GALNTL6: variants seen among roughly 807,000 people sequenced by gnomAD.
The protein encoded by GALNTL6 is polypeptide N-acetylgalactosaminyltransferase like 6, also known as polypeptide N-acetylgalactosaminyltransferase-like 6.
In GALNTL6, 46 loss-of-function variants were observed where a neutral mutation model predicts 73.7. The observed-to-expected ratio is 0.62, with a 90% CI of 0.49 to 0.80. The LOEUF is 0.80. Ranked by LOEUF, GALNTL6 falls within the 30% of genes least tolerant of loss-of-function variation. GALNTL6 has a pLI of 0.00. For missense variants in GALNTL6, 604 were observed against 755.0 expected, an observed-to-expected ratio of 0.80 and a Z score of 2.34; for synonymous variants, 259 against 263.7, an observed-to-expected ratio of 0.98 and a Z score of 0.17.
At chr4:172,042,395 T>C (rs1413782977) in intron 2 of GALNTL6, among the ~76,000 whole-genome samples, 1 of 152,072 alleles carries the variant, frequency 6.6e-6, no homozygotes, top group Non-Finnish European at 1.5e-5. Flanking sequence ...TTTAACTCCA[T>C]AACTTGTATT....
intron 2 of GALNTL6, among the ~76,000 whole-genome samples, chr4:171,835,695 A>C (rs1311697005): frequency 6.6e-6 from 1 of 152,016 alleles, no homozygotes; most frequent in Non-Finnish European, 1.5e-5. Context: ...TTCATTAATA[A>C]ATAAGAGCTT....
chr4:171,988,903 G>A (rs1355994020), intron 2 of GALNTL6, among the ~76,000 whole-genome samples: 1 of 152,064 alleles, frequency 6.6e-6, no homozygotes, highest in African/African-American at 2.4e-5. Context: ...AGGGGAGGAT[G>A]TGAAGGAGGC....
At chr4:172,195,991 G>A (rs1735752208) in intron 2 of GALNTL6, among the ~76,000 whole-genome samples, 1 of 124,064 alleles carries the variant, frequency 8.1e-6, no homozygotes, top group South Asian at 2.6e-4. Context: ...AAAAATAAAT[G>A]AATCCAGGAG....
chr4:172,531,517 C>T (rs1375815418), intron 5 of GALNTL6, among the ~76,000 whole-genome samples: 1 of 152,152 alleles, frequency 6.6e-6, no homozygotes, highest in African/African-American at 2.4e-5. Flanking sequence ...TCACTGGGAC[C>T]CAGCCAGTGG....
chr4:172,633,273 G>A (rs914306660), intron 5 of GALNTL6, among the ~76,000 whole-genome samples: 3 of 152,158 alleles, frequency 2.0e-5, no homozygotes, highest in Non-Finnish European at 4.4e-5. Flanking sequence ...CAGCTGAGAG[G>A]GGGGCTATAC....
chr4:172,850,996 T>A (rs1016818774), intron 7 of GALNTL6, among the ~76,000 whole-genome samples: 1 of 152,102 alleles, frequency 6.6e-6, no homozygotes, highest in African/African-American at 2.4e-5. Flanking sequence ...GGTTCAGGAT[T>A]TTTTATGGCA....
At chr4:172,031,200 T>G (rs1441084184) in intron 2 of GALNTL6, among the ~76,000 whole-genome samples, 1 of 136,206 alleles carries the variant, frequency 7.3e-6, no homozygotes, top group East Asian at 2.2e-4. Flanking sequence ...GAATTTCACC[T>G]GGGGGAGAGG....
At chr4:171,916,699 C>T (rs1014337221) in intron 2 of GALNTL6, among the ~76,000 whole-genome samples, 4 of 152,008 alleles carry the variant, frequency 2.6e-5, no homozygotes, top group Admixed American at 6.6e-5. Flanking sequence ...TTCCAGACTT[C>T]TTACTTGAAC....
chr4:172,861,102 CTA>C (rs1446105257), intron 7 of GALNTL6, among the ~76,000 whole-genome samples: 3 of 152,116 alleles, frequency 2.0e-5, no homozygotes, highest in Non-Finnish European at 4.4e-5. Context: ...AAAATGAAGA[CTA>C]TGTTCTTCAT....
rs760406869 is a variant in GALNTL6 at position 172,882,830 on chromosome 4, A to G, written c.964A>G (p.Lys322Glu). ...TGGAGGTCTCTTTGCTGTGGATCGGAAATGGTTTTGGGAATTGGGTGGCTA... is the reference window on the plus strand; with the variant it reads ...TGGAGGTCTCTTTGCTGTGGATCGGGAATGGTTTTGGGAATTGGGTGGCTA... ...MAGGLFAVDR[K>E]WFWELGGYDP... Residue 322 changes from lysine (K) to glutamate (E), a missense_variant, in exon 8 of 13, where the codon AAA becomes GAA. By Grantham distance (56) the Lys-to-Glu change is moderately conservative. Around this residue, in one of 5 missense-constraint regions of GALNTL6, gnomAD observed 179 missense variants for 230.8 expected, o/e 0.78. Transcript: ENST00000506823. The G allele has an allele frequency of 3.7e-6, 6 of 1,612,984 alleles. No homozygotes were observed. The African/African-American group carries it at 8.0e-5, about 22-fold the overall frequency.
At chr4:172,150,025 C>G (rs72700960) in intron 2 of GALNTL6, among the ~76,000 whole-genome samples, 1 of 152,220 alleles carries the variant, frequency 6.6e-6, no homozygotes, top group Non-Finnish European at 1.5e-5. Flanking sequence ...TCTTTTCTCC[C>G]TAGGAATTTT....
intron 5 of GALNTL6, among the ~76,000 whole-genome samples, chr4:172,702,821 T>C (rs1336866874): frequency 1.5e-5 from 2 of 131,452 alleles, no homozygotes. Flanking sequence ...TAAGACACTT[T>C]ATAGTTTTTT....
intron 5 of GALNTL6, among the ~76,000 whole-genome samples, chr4:172,540,297 C>T (rs1448786267): frequency 6.6e-6 from 1 of 151,950 alleles, no homozygotes; most frequent in Non-Finnish European, 1.5e-5. Flanking sequence ...ACCTGGGCCT[C>T]CCAGAGTGCT....
chr4:172,630,172 T>C (rs1739333859), intron 5 of GALNTL6, among the ~76,000 whole-genome samples: 1 of 152,176 alleles, frequency 6.6e-6, no homozygotes. Context: ...CTGTCAGTCT[T>C]CTGCAGGTTT....
intron 2 of GALNTL6, among the ~76,000 whole-genome samples, chr4:171,852,223 A>C (rs899367343): frequency 6.6e-6 from 1 of 152,122 alleles, no homozygotes; most frequent in Non-Finnish European, 1.5e-5. Context: ...TCTGTGCTCC[A>C]TTTTTATTTG....
chr4:172,284,355 T>C (rs1739175204), intron 3 of GALNTL6, among the ~76,000 whole-genome samples: 1 of 152,162 alleles, frequency 6.6e-6, no homozygotes, highest in Admixed American at 6.5e-5. Flanking sequence ...GGTGAAGTCT[T>C]AGTTTTAGTG....
At chr4:172,772,115 C>A (rs1373190178) in intron 5 of GALNTL6, among the ~76,000 whole-genome samples, 1 of 152,126 alleles carries the variant, frequency 6.6e-6, no homozygotes, top group East Asian at 1.9e-4. Flanking sequence ...ACCATCAGAT[C>A]TCATGAGACT....
chr4:171,942,754 A>G (rs1302526746), intron 2 of GALNTL6, among the ~76,000 whole-genome samples: 1 of 152,244 alleles, frequency 6.6e-6, no homozygotes, highest in African/African-American at 2.4e-5. Flanking sequence ...TATATTGCAG[A>G]CAAGATATAG....
intron 12 of GALNTL6, among the ~76,000 whole-genome samples, chr4:173,037,900 G>A (rs910578889): frequency 2.6e-5 from 4 of 152,028 alleles, no homozygotes. Flanking sequence ...GCACCACCAC[G>A]CCTGGCTAAT....
Sources: gnomAD v4.1 joint callset for allele counts (sites outside exome capture counted in the v4.1 genomes callset) on GRCh38, gnomAD v4.1.1 for gene constraint, gnomAD v4.1.1 regional missense constraint, MANE v1.5 for transcripts, NCBI Gene and HGNC (gene_info 2026-07-23, HGNC 2026-07-21) for gene names.